The following EPHA3 variants were observed in gnomAD, a reference collection of about 807,000 sequenced individuals.
EPHA3 encodes EPH receptor A3, also known as ephrin type-A receptor 3.
Under a neutral mutation model 107.1 loss-of-function variants are expected in EPHA3, and 42 were observed. That is an observed-to-expected ratio of 0.39 (90% CI 0.31 to 0.51). EPHA3 has a LOEUF of 0.51. EPHA3 is among the 20% of genes least tolerant of loss of function. The pLI is 0.78. For missense variants in EPHA3, 1,183 were observed against 1,211.2 expected, an observed-to-expected ratio of 0.98 and a Z score of 0.35; for synonymous variants, 461 against 424.8, an observed-to-expected ratio of 1.09 and a Z score of -1.05.
At chr3:89,315,013 G>A (rs528560443) in intron 3 of EPHA3, among the ~76,000 whole-genome samples, 3 of 151,870 alleles carry the variant, frequency 2.0e-5, no homozygotes, top group South Asian at 4.1e-4. Flanking sequence ...ACTGATTAGT[G>A]TTAAGGAAAT....
chr3:89,342,122 T>C, intron 5 of EPHA3, 32 bp downstream of exon 5: 1 of 1,553,414 alleles, frequency 6.4e-7, no homozygotes, highest in South Asian at 1.2e-5. Context: ...CTTACTCTTA[T>C]CATATCACGT....
chr3:89,284,449 T>A (rs985252204), intron 3 of EPHA3, among the ~76,000 whole-genome samples: 33 of 151,548 alleles, frequency 2.2e-4, no homozygotes, highest in Non-Finnish European at 3.4e-4. Context: ...CCTTTTTTTT[T>A]ATCAGTTATA....
rs765011977 is a variant in EPHA3 at position 89,431,212 on chromosome 3, C to A, written c.2199C>A (p.Gly733=). The A allele has an allele frequency of 2.5e-6, 4 of 1,613,900 alleles. No homozygotes were observed. In the East Asian group the frequency reaches 6.7e-5, roughly 27 times the overall value. ...GGATGCTTCGAGGGATAGCATCTGG[C>A]ATGAAGTACCTGTCAGACATGGGCT... is the stretch of plus-strand genomic sequence containing the variant. ...LVGMLRGIAS[G]MKYLSDMGYV... The change falls in exon 13 of 17, where the codon GGC becomes GGA. Residue 733 remains glycine (G), a synonymous_variant. Transcript: ENST00000336596.
At chr3:89,212,111 A>C (rs1704116481) in intron 3 of EPHA3, among the ~76,000 whole-genome samples, 1 of 151,934 alleles carries the variant, frequency 6.6e-6, no homozygotes, top group Non-Finnish European at 1.5e-5. Flanking sequence ...AAAAATTAGT[A>C]AGGAAGGTAA....
chr3:89,460,792 T>C (rs1358840894), intron 15 of EPHA3, among the ~76,000 whole-genome samples: 2 of 143,878 alleles, frequency 1.4e-5, no homozygotes, highest in African/African-American at 5.2e-5. Flanking sequence ...GAATCGAATA[T>C]GCCGAATACC....
At chr3:89,217,425 A>C (rs575164736) in intron 3 of EPHA3, among the ~76,000 whole-genome samples, 4 of 151,596 alleles carry the variant, frequency 2.6e-5, no homozygotes, top group South Asian at 2.1e-4. Flanking sequence ...AAAACAAAAA[A>C]AAACTCTAAA....
At chr3:89,169,574 A>C (rs1705162456) in intron 2 of EPHA3, among the ~76,000 whole-genome samples, 1 of 152,198 alleles carries the variant, frequency 6.6e-6, no homozygotes, top group African/African-American at 2.4e-5. Context: ...TCTTACCCAT[A>C]ATGAAGAGAT....
At chr3:89,281,005 T>TTTTTTATTTATA (rs1446458369) in intron 3 of EPHA3, among the ~76,000 whole-genome samples, 1 of 37,250 alleles carries the variant, frequency 2.7e-5, no homozygotes, top group Non-Finnish European at 5.1e-5. Context: ...AAGATTTTTA[T>TTTTTTATTTATA]TATTTATTTA....
chr3:89,395,297 C>T (rs948308190), intron 5 of EPHA3, among the ~76,000 whole-genome samples: 28 of 152,160 alleles, frequency 1.8e-4, no homozygotes, highest in Non-Finnish European at 7.4e-5. Context: ...GAAGTCAAGG[C>T]CTACTGTAAT....
intron 2 of EPHA3, among the ~76,000 whole-genome samples, chr3:89,203,232 T>A (rs1272972566): frequency 2.0e-5 from 3 of 151,104 alleles, no homozygotes; most frequent in African/African-American, 7.3e-5. Context: ...ATCACCTAGG[T>A]TTTTTTGGTT....
chr3:89,320,724 T>C (rs1370226451), intron 3 of EPHA3, among the ~76,000 whole-genome samples: 1 of 152,104 alleles, frequency 6.6e-6, no homozygotes, highest in East Asian at 1.9e-4. Context: ...TGAATGTAGA[T>C]GTAAAACACC....
At chr3:89,345,192 G>C (rs1414237871) in intron 5 of EPHA3, among the ~76,000 whole-genome samples, 1 of 151,098 alleles carries the variant, frequency 6.6e-6, no homozygotes, top group Non-Finnish European at 1.5e-5. Flanking sequence ...TCTCAGACTA[G>C]AATAAGGAGC....
At chr3:89,343,518 A>G (rs989598768) in intron 5 of EPHA3, among the ~76,000 whole-genome samples, 2 of 152,184 alleles carry the variant, frequency 1.3e-5, no homozygotes, top group Non-Finnish European at 2.9e-5. Context: ...AGAGGGGTAT[A>G]CAGAGCCTTT....
At chr3:89,131,960 G>T (rs1391935036) in intron 2 of EPHA3, among the ~76,000 whole-genome samples, 2 of 152,130 alleles carry the variant, frequency 1.3e-5, no homozygotes, top group Non-Finnish European at 2.9e-5. Context: ...GCCCCTCTGC[G>T]ACTCCATGGG....
chr3:89,421,158 C>T (rs1709345332), intron 11 of EPHA3, among the ~76,000 whole-genome samples: 1 of 151,258 alleles, frequency 6.6e-6, no homozygotes, highest in African/African-American at 2.4e-5. Context: ...GTGAGACATT[C>T]CTCAATCTTC....
At chr3:89,236,819 A>C (rs1704776752) in intron 3 of EPHA3, among the ~76,000 whole-genome samples, 1 of 152,210 alleles carries the variant, frequency 6.6e-6, no homozygotes, top group East Asian at 1.9e-4. Flanking sequence ...TTTTATATCT[A>C]AAAGCAAAAT....
At chr3:89,316,068 C>T (rs543322671) in intron 3 of EPHA3, among the ~76,000 whole-genome samples, 2 of 151,708 alleles carry the variant, frequency 1.3e-5, no homozygotes, top group East Asian at 3.9e-4. Flanking sequence ...AAAAATAACG[C>T]AAAAAATAAG....
chr3:89,421,522 A>G (rs1484216306), intron 11 of EPHA3, among the ~76,000 whole-genome samples: 1 of 151,340 alleles, frequency 6.6e-6, no homozygotes, highest in Admixed American at 6.6e-5. Flanking sequence ...GAATAGAATC[A>G]TAATCTAACT....
chr3:89,140,760 C>T (rs912577048), intron 2 of EPHA3, among the ~76,000 whole-genome samples: 31 of 151,692 alleles, frequency 2.0e-4, no homozygotes, highest in Admixed American at 2.0e-3. Flanking sequence ...TTTCTAGAAC[C>T]TATCAAATTC....
Sources: allele counts gnomAD v4.1 joint callset (sites outside exome capture counted in the v4.1 genomes callset), GRCh38; gene constraint gnomAD v4.1.1; transcripts MANE v1.5; gene names NCBI Gene and HGNC (gene_info 2026-07-23, HGNC 2026-07-21).